EGFR: variants seen among roughly 807,000 people sequenced by gnomAD.
EGFR encodes the protein epidermal growth factor receptor.
In EGFR, 58 loss-of-function variants were observed where a neutral mutation model predicts 143.0. That is an observed-to-expected ratio of 0.41 (90% CI 0.33 to 0.50). The LOEUF is 0.50. EGFR is among the 20% of genes least tolerant of loss of function. The probability of loss-of-function intolerance (pLI) is 0.39; values close to 1 mark genes in which losing one functional copy is unlikely to be tolerated. For synonymous variants in EGFR, 613 were observed against 594.4 expected (o/e 1.03, Z -0.45); for missense variants, 1,307 against 1,579.0 (o/e 0.83, Z 2.92).
chr7:55,171,844 T>G (rs558514718), intron 16 of EGFR, among the ~76,000 whole-genome samples: 26 of 152,228 alleles, frequency 1.7e-4, no homozygotes, highest in Non-Finnish European at 3.2e-4. Context: ...TTTGCCATTT[T>G]GGATGTTTCC....
intron 8 of EGFR, among the ~76,000 whole-genome samples, chr7:55,156,280 G>A (rs979686120): frequency 6.6e-6 from 1 of 152,204 alleles, no homozygotes; most frequent in African/African-American, 2.4e-5. Context: ...GAGAACGCAA[G>A]GTCAGTGTGA....
chr7:55,181,626 T>C, intron 20 of EGFR, 148 bp downstream of exon 20: 1 of 932,096 alleles, frequency 1.1e-6, no homozygotes, highest in Non-Finnish European at 1.7e-6. Context: ...TTGGATTCAA[T>C]CAAGTTGATC....
chr7:55,174,578 A>G (rs1345175961), intron 18 of EGFR, 144 bp from the exon 19 acceptor site: 10 of 734,802 alleles, frequency 1.4e-5, no homozygotes, highest in Non-Finnish European at 2.2e-5. Context: ...GCCCCCAGCA[A>G]TATCAGCCTT....
chr7:55,169,015 C>G (rs1395828033), intron 15 of EGFR, among the ~76,000 whole-genome samples: 1 of 152,090 alleles, frequency 6.6e-6, no homozygotes, highest in Non-Finnish European at 1.5e-5. Context: ...ACAGCATAAG[C>G]AGCTGCTGAT....
intron 24 of EGFR, 97 bp downstream of exon 24, chr7:55,200,510 TC>T: frequency 8.1e-7 from 1 of 1,238,340 alleles, no homozygotes; most frequent in Non-Finnish European, 1.2e-6. Context: ...CCTCCCTGTG[TC>T]CCAGATCGCA....
chr7:55,025,930 A>G (rs576222912), intron 1 of EGFR, among the ~76,000 whole-genome samples: 1 of 152,342 alleles, frequency 6.6e-6, no homozygotes, highest in South Asian at 2.1e-4. Flanking sequence ...GCTTAAGACC[A>G]CATCACATTA....
At chr7:55,089,962 ATTT>A (rs1420270569) in intron 1 of EGFR, among the ~76,000 whole-genome samples, 7 of 150,926 alleles carry the variant, frequency 4.6e-5, no homozygotes, top group Non-Finnish European at 1.0e-4. Context: ...TTATTTATTT[ATTT>A]ATTTATTTAT....
At chr7:55,123,868 T>C (rs1192463182) in intron 1 of EGFR, among the ~76,000 whole-genome samples, 4 of 139,040 alleles carry the variant, frequency 2.9e-5, no homozygotes, top group Non-Finnish European at 4.7e-5. Flanking sequence ...TGTGCATGCA[T>C]GCACGTGTGT....
chr7:55,089,153 C>CT (rs1021302440), intron 1 of EGFR, among the ~76,000 whole-genome samples: 8 of 151,870 alleles, frequency 5.3e-5, no homozygotes, highest in African/African-American at 1.9e-4. Flanking sequence ...TTGCCTCTTG[C>CT]TTTTTTTTAA....
At chr7:55,068,921 G>A (rs1471910159) in intron 1 of EGFR, among the ~76,000 whole-genome samples, 2 of 152,174 alleles carry the variant, frequency 1.3e-5, no homozygotes, top group Non-Finnish European at 2.9e-5. Context: ...GGAGGGCACA[G>A]GGAAAAGGCA....
intron 20 of EGFR, among the ~76,000 whole-genome samples, chr7:55,187,432 G>A (rs1332641172): frequency 6.6e-6 from 1 of 152,186 alleles, no homozygotes; most frequent in African/African-American, 2.4e-5. Context: ...CCATGGTGCA[G>A]CCTCTCAGCC....
chr7:55,147,221 T>C (rs796490545), intron 4 of EGFR, among the ~76,000 whole-genome samples: 16 of 152,350 alleles, frequency 1.1e-4, no homozygotes, highest in African/African-American at 3.8e-4. Flanking sequence ...AGTCTGTCCA[T>C]GTTTCCTTGA....
chr7:55,050,718 C>T (rs1253525916), intron 1 of EGFR, among the ~76,000 whole-genome samples: 1 of 152,182 alleles, frequency 6.6e-6, no homozygotes, highest in African/African-American at 2.4e-5. Flanking sequence ...CTAGGCCTTG[C>T]ATTGCCATAG....
chr7:55,196,982 G>T (rs1482841530), intron 22 of EGFR, among the ~76,000 whole-genome samples: 1 of 152,050 alleles, frequency 6.6e-6, no homozygotes, highest in Non-Finnish European at 1.5e-5. Flanking sequence ...GGATTGCCTT[G>T]GCAATTCAGG....
intron 1 of EGFR, among the ~76,000 whole-genome samples, chr7:55,091,689 G>A (rs189077064): frequency 4.3e-4 from 65 of 152,228 alleles, no homozygotes; most frequent in Middle Eastern, 3.4e-3. Flanking sequence ...GTGGCAAGCC[G>A]GGCCCAGGAG....
intron 1 of EGFR, among the ~76,000 whole-genome samples, chr7:55,132,486 T>C (rs1382694609): frequency 6.6e-6 from 1 of 152,232 alleles, no homozygotes; most frequent in Non-Finnish European, 1.5e-5. Flanking sequence ...TGGAAGAAAC[T>C]TTATTTTTAG....
At chr7:55,073,644 T>A (rs1208672071) in intron 1 of EGFR, among the ~76,000 whole-genome samples, 1 of 152,250 alleles carries the variant, frequency 6.6e-6, no homozygotes, top group Non-Finnish European at 1.5e-5. Flanking sequence ...TAGCTATTAA[T>A]ACTTCGTCCC....
chr7:55,129,203 A>C lies in EGFR; in HGVS notation c.89-13083A>C, dbSNP rs193100025. ...GTGGGGACTACAGAAGCCAAGAAGC[A>C]GATCTAGCTGGGGAGGCCTTTGCAG... On this transcript the variant is annotated intron_variant, in intron 1 of 27. Transcript: ENST00000275493. 3.6e-3 allele frequency among the ~76,000 whole-genome samples: 549 copies of C among 152,360 alleles called. 2 individuals are homozygous for C. Among genetic ancestry groups the C allele is most frequent in the African/African-American group, 0.013 (524 of 41,586 alleles).
At chr7:55,027,992 ATATATATATATATATAT>A (rs1165611125) in intron 1 of EGFR, among the ~76,000 whole-genome samples, 9 of 44,690 alleles carry the variant, frequency 2.0e-4, no homozygotes, top group South Asian at 2.3e-3. Context: ...AAAAAAAAAA[ATATATATATATATATAT>A]ATATATATAT....
Sources: gnomAD v4.1 joint callset for allele counts (sites outside exome capture counted in the v4.1 genomes callset) on GRCh38, gnomAD v4.1.1 for gene constraint, MANE v1.5 for transcripts, NCBI Gene and HGNC (gene_info 2026-07-23, HGNC 2026-07-21) for gene names.